Variants in CNTN4 observed in about 807,000 individuals in gnomAD.
The protein encoded by CNTN4 is contactin-4.
A neutral mutation model predicts 122.5 loss-of-function variants in CNTN4; 77 were observed. That is an observed-to-expected ratio of 0.63 (90% CI 0.52 to 0.76). The LOEUF is 0.76. Ranked by LOEUF, CNTN4 falls within the 30% of genes least tolerant of loss-of-function variation. The probability of loss-of-function intolerance (pLI) is 0.00; values close to 1 mark genes in which losing one functional copy is unlikely to be tolerated. For missense variants in CNTN4, 1,256 were observed against 1,259.1 expected (o/e 1.00, Z 0.04); for synonymous variants, 512 against 447.0 (o/e 1.15, Z -1.83).
At position 2,650,207 on chromosome 3, in the gene CNTN4, G is replaced by T. The variant is rs146879414; in HGVS notation, c.55+78649G>T. Among the ~76,000 whole-genome samples, 64 of 151,860 alleles carry T rather than the reference G, an allele frequency of 4.2e-4. 1 individual carries two copies. In the East Asian group the frequency reaches 6.4e-3, roughly 15 times the overall value. The stretch of plus-strand genomic sequence containing the variant: ...CAACCCTCACGGATGACTTTGAGGG[G>T]CTTAAAGCTTTCAATGGAGGAAGCA... On this transcript the variant is annotated intron_variant, in intron 4 of 24. Transcript: ENST00000418658.
intron 2 of CNTN4, among the ~76,000 whole-genome samples, chr3:2,111,396 C>A (rs2032945038): frequency 1.3e-5 from 2 of 152,064 alleles, no homozygotes; most frequent in Admixed American, 1.3e-4. Context: ...TGAATTGTTA[C>A]AAATTTTTGT....
intron 4 of CNTN4, among the ~76,000 whole-genome samples, chr3:2,663,885 G>A (rs73112548): frequency 0.024 from 3,664 of 152,198 alleles, 151 homozygotes; most frequent in African/African-American, 0.083. Flanking sequence ...AAGTAAAAGA[G>A]TCCTGTCCAA....
chr3:2,263,338 G>C (rs2040914441), intron 2 of CNTN4, among the ~76,000 whole-genome samples: 1 of 152,052 alleles, frequency 6.6e-6, no homozygotes, highest in Non-Finnish European at 1.5e-5. Context: ...TACATGGAGA[G>C]ATGGTATTTT....
intron 2 of CNTN4, among the ~76,000 whole-genome samples, chr3:2,187,490 C>T (rs1455163730): frequency 1.3e-5 from 2 of 152,168 alleles, no homozygotes; most frequent in Non-Finnish European, 2.9e-5. Flanking sequence ...CACGCCTCTG[C>T]TATGGCTGGA....
At chr3:2,099,007 G>C (rs1289466207) in intron 1 of CNTN4, 29 bp downstream of exon 1, 1 of 152,578 alleles carries the variant, frequency 6.6e-6, no homozygotes, top group African/African-American at 2.4e-5. Context: ...GTGCGGGTCC[G>C]GCTCCTGCGT....
chr3:2,161,247 G>A (rs1342287542), intron 2 of CNTN4, among the ~76,000 whole-genome samples: 3 of 151,900 alleles, frequency 2.0e-5, no homozygotes, highest in Non-Finnish European at 4.4e-5. Context: ...GGAAGGAGGG[G>A]CTGAAACATT....
intron 2 of CNTN4, among the ~76,000 whole-genome samples, chr3:2,104,932 T>C (rs190371057): frequency 1.6e-4 from 25 of 152,322 alleles, no homozygotes; most frequent in African/African-American, 5.8e-4. Context: ...ATCCCATTCT[T>C]AGTGCATATG....
At chr3:2,505,509 G>A (rs2076709579) in intron 3 of CNTN4, among the ~76,000 whole-genome samples, 1 of 152,106 alleles carries the variant, frequency 6.6e-6, no homozygotes, top group Non-Finnish European at 1.5e-5. Context: ...CAGTTTCAAA[G>A]TTTATACATT....
At chr3:2,999,683 C>T (rs1275135919) in intron 14 of CNTN4, among the ~76,000 whole-genome samples, 2 of 152,112 alleles carry the variant, frequency 1.3e-5, no homozygotes, top group Non-Finnish European at 2.9e-5. Flanking sequence ...GACAAACTCC[C>T]CACACGAAGG....
chr3:2,819,047 G>C (rs1415365429), intron 6 of CNTN4, among the ~76,000 whole-genome samples: 1 of 152,102 alleles, frequency 6.6e-6, no homozygotes, highest in Non-Finnish European at 1.5e-5. Context: ...AATACAGAGA[G>C]GTCTTGGGCA....
intron 4 of CNTN4, among the ~76,000 whole-genome samples, chr3:2,637,729 C>T (rs896422903): frequency 4.6e-5 from 7 of 152,172 alleles, no homozygotes; most frequent in African/African-American, 7.2e-5. Flanking sequence ...GTTGTCACCA[C>T]GCATGTGACA....
At chr3:2,581,008 G>A (rs1221038845) in intron 4 of CNTN4, among the ~76,000 whole-genome samples, 1 of 152,142 alleles carries the variant, frequency 6.6e-6, no homozygotes, top group Admixed American at 6.5e-5. Context: ...TCTTCATAAA[G>A]CTTACCATCT....
intron 10 of CNTN4, among the ~76,000 whole-genome samples, chr3:2,900,257 G>A (rs562430617): frequency 6.6e-6 from 1 of 152,252 alleles, no homozygotes; most frequent in East Asian, 1.9e-4. Context: ...CACACATACA[G>A]TTGGCATGAA....
chr3:2,701,012 A>T (rs2149258249), intron 4 of CNTN4, among the ~76,000 whole-genome samples: 1 of 152,328 alleles, frequency 6.6e-6, no homozygotes, highest in East Asian at 1.9e-4. Context: ...GCTCATAGAT[A>T]CAATAATGCT....
intron 4 of CNTN4, among the ~76,000 whole-genome samples, chr3:2,604,019 G>A (rs151295747): frequency 2.8e-4 from 42 of 152,320 alleles, no homozygotes; most frequent in Non-Finnish European, 5.1e-4. Context: ...AAACACCGTG[G>A]AGAGTGGAAA....
intron 3 of CNTN4, among the ~76,000 whole-genome samples, chr3:2,553,085 A>C (rs2078580267): frequency 6.6e-6 from 1 of 152,180 alleles, no homozygotes; most frequent in Admixed American, 6.5e-5. Flanking sequence ...TTTTTCTTCC[A>C]GGTTTGGGGT....
At chr3:2,425,530 T>C (rs576207208) in intron 3 of CNTN4, among the ~76,000 whole-genome samples, 90 of 152,152 alleles carry the variant, frequency 5.9e-4, no homozygotes, top group African/African-American at 2.1e-3. Flanking sequence ...GTTCTTTTGG[T>C]TTAGGATTGT....
intron 14 of CNTN4, among the ~76,000 whole-genome samples, chr3:3,013,100 T>C (rs1697397771): frequency 6.6e-6 from 1 of 152,164 alleles, no homozygotes; most frequent in African/African-American, 2.4e-5. Flanking sequence ...GTAATGGTAA[T>C]AATAGTATCT....
chr3:3,031,020 A>G (rs1574870846), intron 16 of CNTN4, 45 bp downstream of exon 16: 2 of 1,612,762 alleles, frequency 1.2e-6, no homozygotes, highest in Non-Finnish European at 1.7e-6. Context: ...TATTTTCATG[A>G]TATCTACTGT....
Sources: allele counts gnomAD v4.1 joint callset (sites outside exome capture counted in the v4.1 genomes callset), GRCh38; gene constraint gnomAD v4.1.1; transcripts MANE v1.5; gene names NCBI Gene and HGNC (gene_info 2026-07-23, HGNC 2026-07-21).